The following NEK11 variants were observed in gnomAD, a reference collection of about 807,000 sequenced individuals.
NEK11 encodes serine/threonine-protein kinase Nek11.
Under a neutral mutation model 80.7 loss-of-function variants are expected in NEK11, and 72 were observed. The ratio of observed to expected loss-of-function variants is 0.89; its 90% CI spans 0.74 to 1.08. The LOEUF (loss-of-function observed/expected upper bound fraction) is 1.08. Ranked by LOEUF, NEK11 falls within the 50% of genes least tolerant of loss-of-function variation. The pLI, the probability that NEK11 is intolerant of heterozygous loss-of-function variation, is 0.00. For synonymous variants in NEK11, 251 were observed against 260.7 expected (o/e 0.96, Z 0.36); for missense variants, 764 against 763.6 (o/e 1.00, Z -0.01).
At chr3:131,139,237 A>T (rs2086297647) in intron 7 of NEK11, among the ~76,000 whole-genome samples, 1 of 151,834 alleles carries the variant, frequency 6.6e-6, no homozygotes, top group African/African-American at 2.4e-5. Context: ...AATCCAATTG[A>T]CTGGAGAATG....
At chr3:131,086,898 G>A (rs986762456) in intron 4 of NEK11, among the ~76,000 whole-genome samples, 1 of 152,180 alleles carries the variant, frequency 6.6e-6, no homozygotes, top group African/African-American at 2.4e-5. Context: ...ATAGTGGGAA[G>A]TGTGTAGACT....
intron 7 of NEK11, among the ~76,000 whole-genome samples, chr3:131,150,411 C>T: frequency 6.6e-6 from 1 of 151,954 alleles, no homozygotes; most frequent in Non-Finnish European, 1.5e-5. Context: ...TTCATACACA[C>T]ACACATGCAC....
chr3:131,035,196 T>G (rs1188353910), intron 3 of NEK11, among the ~76,000 whole-genome samples: 1 of 152,058 alleles, frequency 6.6e-6, no homozygotes, highest in Non-Finnish European at 1.5e-5. Flanking sequence ...AGCTCTTGGG[T>G]CTACATTAGA....
At chr3:131,097,477 A>G (rs531323585) in intron 4 of NEK11, among the ~76,000 whole-genome samples, 56 of 152,012 alleles carry the variant, frequency 3.7e-4, no homozygotes, top group South Asian at 1.7e-3. Flanking sequence ...GCATTTCTCT[A>G]ATGGCCAGTG....
intron 5 of NEK11, among the ~76,000 whole-genome samples, chr3:131,117,987 C>G (rs2081587400): frequency 6.6e-6 from 1 of 152,172 alleles, no homozygotes; most frequent in Non-Finnish European, 1.5e-5. Context: ...CCTGATTCCC[C>G]TGACCAGAAC....
At chr3:131,285,183 C>T (rs969828684) in intron 17 of NEK11, among the ~76,000 whole-genome samples, 1 of 152,042 alleles carries the variant, frequency 6.6e-6, no homozygotes, top group African/African-American at 2.4e-5. Flanking sequence ...GCAGGTGGGC[C>T]CATTGGAAAG....
chr3:131,324,693 G>A (rs2096938895), intron 17 of NEK11, among the ~76,000 whole-genome samples: 2 of 152,280 alleles, frequency 1.3e-5, no homozygotes, highest in African/African-American at 4.8e-5. Flanking sequence ...GAGAACAGAA[G>A]GGAAAGCAAG....
At position 131,080,469 on chromosome 3, in the gene NEK11, A is replaced by T; in HGVS notation, c.217A>T (p.Thr73Ser). The part of the protein sequence containing the change: ...ISVGELNPNE[T>S]VQANLEAQLL... Reference sequence around the variant, plus strand: ...TGTTGGAGAACTAAATCCAAATGAAACTGTACAGGCCAATTTGGAAGCCCA... The same window carrying T: ...TGTTGGAGAACTAAATCCAAATGAATCTGTACAGGCCAATTTGGAAGCCCA... The change falls in exon 4 of 18, where the codon ACT becomes TCT. Residue 73 changes from threonine (T) to serine (S), a missense_variant. Coordinates refer to ENST00000383366, the MANE Select transcript of NEK11 (RefSeq NM_024800.5). 6.2e-7 allele frequency: 1 copy of T among 1,613,364 alleles called. No homozygotes were observed.
intron 3 of NEK11, among the ~76,000 whole-genome samples, chr3:131,061,661 C>G (rs1170890784): frequency 6.6e-6 from 1 of 152,178 alleles, no homozygotes; most frequent in African/African-American, 2.4e-5. Context: ...TATGTATCCT[C>G]CTTTCTGTTA....
chr3:131,280,977 A>G, intron 17 of NEK11, among the ~76,000 whole-genome samples: 1 of 152,184 alleles, frequency 6.6e-6, no homozygotes, highest in East Asian at 1.9e-4. Context: ...GGCACTATTC[A>G]TGGCCCAATG....
In NEK11 at chr3:131,203,767, GTATATATATATATATATATA is replaced by G. The variant is rs150951735; in HGVS notation, c.1400-24720_1400-24701del. 4.0e-3 allele frequency among the ~76,000 whole-genome samples: 216 copies of G among 54,148 alleles called. 1 individual carries two copies. Among genetic ancestry groups the G allele is most frequent in the East Asian group, 0.017 (10 of 584 alleles). The allele number at this position is 54,148 out of a possible 152,430, so 35.5% of individuals were successfully genotyped here. ...TATATATGTGTGTGTGTGTGTGTGT[GTATATATATATATATATATA>G]TATATATATATATATATATATATAT... On this transcript the variant is annotated intron_variant, in intron 14 of 17. Transcript: ENST00000383366.
chr3:131,244,560 C>G (rs2095567900), intron 16 of NEK11, among the ~76,000 whole-genome samples: 1 of 152,036 alleles, frequency 6.6e-6, no homozygotes, highest in African/African-American at 2.4e-5. Context: ...TGTGTCTGTA[C>G]TGCTCATCTC....
At chr3:131,164,739 AGTT>A (rs1444962188) in intron 11 of NEK11, among the ~76,000 whole-genome samples, 1 of 152,154 alleles carries the variant, frequency 6.6e-6, no homozygotes, top group African/African-American at 2.4e-5. Flanking sequence ...AATTGTTTCT[AGTT>A]GTTGATTATA....
At chr3:131,086,491 C>T (rs1169465250) in intron 4 of NEK11, among the ~76,000 whole-genome samples, 3 of 152,176 alleles carry the variant, frequency 2.0e-5, no homozygotes, top group African/African-American at 7.2e-5. Flanking sequence ...ATATGGGTTA[C>T]ACCCAGTACC....
chr3:131,227,496 T>C (rs979410685), intron 14 of NEK11, among the ~76,000 whole-genome samples: 1 of 152,092 alleles, frequency 6.6e-6, no homozygotes, highest in African/African-American at 2.4e-5. Context: ...TTGCACAAAT[T>C]TTCATCTAAA....
At chr3:131,158,409 C>T (rs2091056040) in intron 10 of NEK11, among the ~76,000 whole-genome samples, 1 of 152,138 alleles carries the variant, frequency 6.6e-6, no homozygotes, top group Admixed American at 6.5e-5. Context: ...GTGTATCCCA[C>T]CTCACCTCCC....
chr3:131,200,230 A>G (rs2094175642), intron 14 of NEK11, among the ~76,000 whole-genome samples: 1 of 152,196 alleles, frequency 6.6e-6, no homozygotes, highest in South Asian at 2.1e-4. Context: ...GTAACTTCCA[A>G]CCTGTAATTC....
rs370993635 is a variant in NEK11, at chr3:131,080,491, C to T, written c.239C>T (p.Ala80Val). ...GAAACTGTACAGGCCAATTTGGAAGCCCAACTCCTCTCCAAGCTGGACCAC... is the reference window on the plus strand; with the variant it reads ...GAAACTGTACAGGCCAATTTGGAAGTCCAACTCCTCTCCAAGCTGGACCAC... ...PNETVQANLE[A>V]QLLSKLDHPA... The change falls in exon 4 of 18, where the codon GCC (alanine) becomes GTC (valine). Residue 80 changes from alanine (A) to valine (V), a missense_variant. Transcript: ENST00000383366. 6.2e-7 allele frequency: 1 copy of T among 1,613,982 alleles called. No individual in the cohort carries two copies. Among genetic ancestry groups the T allele is most frequent in the Non-Finnish European group, 8.5e-7 (1 of 1,179,914 alleles).
chr3:131,312,682 T>C (rs912769337), intron 17 of NEK11, among the ~76,000 whole-genome samples: 1 of 152,080 alleles, frequency 6.6e-6, no homozygotes, highest in Non-Finnish European at 1.5e-5. Context: ...CAAACTCAAG[T>C]TGATCCCTAC....
Sources: allele counts gnomAD v4.1 joint callset (sites outside exome capture counted in the v4.1 genomes callset), GRCh38; gene constraint gnomAD v4.1.1; transcripts MANE v1.5; gene names NCBI Gene and HGNC (gene_info 2026-07-23, HGNC 2026-07-21).